The following CEMIP variants were observed in gnomAD, a reference collection of about 807,000 sequenced individuals.
CEMIP encodes the protein cell migration inducing hyaluronidase 1.
Under a neutral mutation model 156.9 loss-of-function variants are expected in CEMIP, and 105 were observed. The ratio of observed to expected loss-of-function variants is 0.67; its 90% confidence interval spans 0.57 to 0.79. The LOEUF (loss-of-function observed/expected upper bound fraction) is 0.79. Among genes scored for constraint, CEMIP ranks in the 30% least tolerant of loss-of-function variants. The probability of loss-of-function intolerance (pLI) is 0.00; values close to 1 mark genes in which losing one functional copy is unlikely to be tolerated. For missense variants in CEMIP, 1,457 were observed against 1,769.4 expected (o/e 0.82, Z 3.17); for synonymous variants, 676 against 668.4 (o/e 1.01, Z -0.17).
intron 7 of CEMIP, among the ~76,000 whole-genome samples, chr15:80,886,551 A>AG (rs200917066): frequency 9.9e-5 from 15 of 152,206 alleles, no homozygotes; most frequent in East Asian, 3.9e-4. Flanking sequence ...GGGCTACTGT[A>AG]GGGGGGGAAA....
chr15:80,824,765 G>T lies in CEMIP; in HGVS notation c.-176+45151G>T, dbSNP rs570995613. 1.4e-4 allele frequency among the ~76,000 whole-genome samples: 21 copies of T among 152,328 alleles called. No individual in the cohort carries two copies. In the South Asian group the frequency reaches 3.3e-3, roughly 24 times the overall value. On this transcript the variant is annotated intron_variant, in intron 1 of 29. Transcript: ENST00000394685. Reference sequence around the variant, plus strand: ...GGTTACTAAATAGGAAAGGCTCATTGTCTCTTGTCTTTGATTCTTCCCACC... The same window carrying T: ...GGTTACTAAATAGGAAAGGCTCATTTTCTCTTGTCTTTGATTCTTCCCACC...
intron 1 of CEMIP, among the ~76,000 whole-genome samples, chr15:80,820,769 A>G (rs981368427): frequency 1.3e-5 from 2 of 152,236 alleles, no homozygotes; most frequent in Non-Finnish European, 2.9e-5. Flanking sequence ...CTCACCTATT[A>G]TAGAAAAGAA....
intron 1 of CEMIP, among the ~76,000 whole-genome samples, chr15:80,810,259 C>T (rs1896626578): frequency 1.3e-5 from 2 of 152,148 alleles, no homozygotes; most frequent in South Asian, 4.1e-4. Flanking sequence ...ACAAATATAG[C>T]CTACAACTAT....
intron 1 of CEMIP, among the ~76,000 whole-genome samples, chr15:80,870,240 G>A (rs1177801536): frequency 2.6e-5 from 4 of 152,036 alleles, no homozygotes; most frequent in Admixed American, 2.0e-4. Context: ...TGCAGGGTGG[G>A]TAGGGACGGG....
chr15:80,912,838 GCTGA>G (rs759080867), intron 14 of CEMIP, among the ~76,000 whole-genome samples: 3 of 152,116 alleles, frequency 2.0e-5, no homozygotes, highest in African/African-American at 4.8e-5. Flanking sequence ...TTTACTCACG[GCTGA>G]CTATGTTTGG....
At chr15:80,842,740 AAG>A (rs1378011128) in intron 1 of CEMIP, among the ~76,000 whole-genome samples, 1 of 152,116 alleles carries the variant, frequency 6.6e-6, no homozygotes. Context: ...CTCAAAAAAA[AAG>A]AGAGAGAGAG....
chr15:80,832,322 C>CTGTGTGTGTGTGTGTGTGTGTGTGTGTG lies in CEMIP; in HGVS notation c.-175-41204_-175-41177dup, dbSNP rs58855328. On this transcript the variant is annotated intron_variant, in intron 1 of 29. Transcript: ENST00000394685. ...CTGGAGCTTTGGTTTAAAATAAACT[C>CTGTGTGTGTGTGTGTGTGTGTGTGTGTG]TGTGTGTGTGTGTGTGTGTGTGTGT... is the stretch of plus-strand genomic sequence containing the variant. 2.8e-3 allele frequency among the ~76,000 whole-genome samples: 356 copies of CTGTGTGTGTGTGTGTGTGTGTGTGTGTG among 128,070 alleles called. 7 individuals are homozygous for CTGTGTGTGTGTGTGTGTGTGTGTGTGTG. The highest frequency in any genetic ancestry group is 4.6e-3 in the East Asian group (20 of 4,312). 84.0% of individuals were successfully genotyped at this position (128,070 alleles called of 152,430 possible). A position where few individuals can be genotyped will look rare whatever the true frequency, so the allele number is the denominator to read the frequency against.
chr15:80,908,625 C>T (rs1045477617), intron 13 of CEMIP, among the ~76,000 whole-genome samples: 1 of 152,104 alleles, frequency 6.6e-6, no homozygotes, highest in Non-Finnish European at 1.5e-5. Context: ...GTCGGTGTTC[C>T]CTTTCCCTTT....
intron 1 of CEMIP, among the ~76,000 whole-genome samples, chr15:80,827,626 A>C (rs1466318857): frequency 6.6e-6 from 1 of 152,174 alleles, no homozygotes; most frequent in Non-Finnish European, 1.5e-5. Context: ...TTCAAAAACA[A>C]ACAACAACAA....
At chr15:80,909,767 ACT>A (rs1899973077) in intron 14 of CEMIP, 1 of 377,430 alleles carries the variant, frequency 2.6e-6, no homozygotes, top group African/African-American at 2.1e-5. Flanking sequence ...TGGGAGAAAT[ACT>A]CTCATTAACA....
intron 1 of CEMIP, among the ~76,000 whole-genome samples, chr15:80,801,592 T>C (rs960191807): frequency 6.6e-6 from 1 of 152,194 alleles, no homozygotes; most frequent in Non-Finnish European, 1.5e-5. Flanking sequence ...AGATTTAGAC[T>C]CTACCTTTTA....
In CEMIP at chr15:80,951,729, GA is replaced by G. The variant is rs1171835519; in HGVS notation, c.*2810del. On this transcript the variant is annotated 3_prime_UTR_variant, in exon 30 of 30. Transcript: ENST00000394685. ...AGCCAAGGAAATTGGCTCTGGTTTGGAAAAATTTTGCTGTTATTATAGTAAA... is the reference window on the plus strand; with the variant it reads ...AGCCAAGGAAATTGGCTCTGGTTTGGAAAATTTTGCTGTTATTATAGTAAA... 6.5e-6 allele frequency: 1 copy of G among 153,022 alleles called. No homozygotes were observed. Among genetic ancestry groups the G allele is most frequent in the Admixed American group, 6.5e-5 (1 of 15,328 alleles). The allele number at this position is 153,022 out of a possible 1,614,324, so 9.5% of individuals were successfully genotyped here.
chr15:80,925,753 C>T lies in CEMIP; in HGVS notation c.2418C>T (p.Cys806=). 2 of 1,612,376 alleles carry T rather than the reference C, an allele frequency of 1.2e-6. No homozygotes were observed. The change falls in exon 19 of 30, where the codon TGC becomes TGT. Residue 806 remains cysteine, a splice_region_variant and synonymous_variant. Transcript: ENST00000394685. ...GCGGGGATGTGTGGCTGGACAGCTG[C>T]CGGTGAGTCAGAGCGGCGTGTGGCT... is the stretch of plus-strand genomic sequence containing the variant. ...LRGGDVWLDS[C]RFADNGIGLT...
chr15:80,821,192 C>G (rs1896900075), intron 1 of CEMIP, among the ~76,000 whole-genome samples: 1 of 152,178 alleles, frequency 6.6e-6, no homozygotes, highest in Non-Finnish European at 1.5e-5. Context: ...AGGATGCAGA[C>G]AACTCAGAGG....
intron 3 of CEMIP, among the ~76,000 whole-genome samples, chr15:80,876,024 C>T (rs1358232356): frequency 2.6e-5 from 4 of 152,246 alleles, no homozygotes; most frequent in African/African-American, 9.6e-5. Context: ...GTGAAAAGAA[C>T]AGTCAGGATT....
chr15:80,936,652 T>C, intron 23 of CEMIP, 22 bp from the exon 24 acceptor site: 1 of 1,598,022 alleles, frequency 6.3e-7, no homozygotes, highest in Non-Finnish European at 8.6e-7. Flanking sequence ...TCATTGTGTG[T>C]TTCCTTTTTG....
intron 27 of CEMIP, 143 bp downstream of exon 27, chr15:80,942,480 A>G (rs921107069): frequency 1.4e-6 from 1 of 736,282 alleles, no homozygotes; most frequent in African/African-American, 1.7e-5. Context: ...GGGGCGGGGA[A>G]CCTGTTCCAT....
intron 1 of CEMIP, among the ~76,000 whole-genome samples, chr15:80,860,942 C>T (rs897940476): frequency 6.6e-5 from 10 of 152,088 alleles, no homozygotes; most frequent in Non-Finnish European, 1.2e-4. Flanking sequence ...GGTGCCTGCT[C>T]CAATGCCACC....
intron 6 of CEMIP, among the ~76,000 whole-genome samples, 196 bp downstream of exon 6, chr15:80,881,332 C>T (rs1333190921): frequency 1.3e-5 from 2 of 152,172 alleles, no homozygotes; most frequent in African/African-American, 4.8e-5. Context: ...AGCAAGCATG[C>T]ACACATATGT....
Sources: allele counts gnomAD v4.1 joint callset (sites outside exome capture counted in the v4.1 genomes callset), GRCh38; gene constraint gnomAD v4.1.1; transcripts MANE v1.5; gene names NCBI Gene and HGNC (gene_info 2026-07-23, HGNC 2026-07-21).